RFTN1: variants seen among roughly 807,000 people sequenced by gnomAD.
The protein encoded by RFTN1 is raftlin, lipid raft linker 1, also known as raftlin.
In RFTN1, 26 loss-of-function variants were observed where a neutral mutation model predicts 46.5. That is an observed-to-expected ratio of 0.56 (90% CI 0.41 to 0.78). RFTN1 has a LOEUF of 0.78. RFTN1 is among the 30% of genes least tolerant of loss of function. The pLI is 0.00. For missense variants in RFTN1, 693 were observed against 718.7 expected (o/e 0.96, Z 0.41); for synonymous variants, 261 against 284.2 (o/e 0.92, Z 0.82).
In RFTN1 at chr3:16,396,498, A is replaced by G. The variant is rs371770013; in HGVS notation, c.441+12877T>C. 9.2e-5 allele frequency among the ~76,000 whole-genome samples: 14 copies of G among 152,324 alleles called. No homozygotes were observed. In the South Asian group the frequency reaches 1.5e-3, roughly 16 times the overall value. ...TTTTGCTAGGTGTTAGAAGATTGCTATATCTGTTATTAAAGACACTAGAAG... is the reference window on the plus strand; with the variant it reads ...TTTTGCTAGGTGTTAGAAGATTGCTGTATCTGTTATTAAAGACACTAGAAG... On this transcript the variant is annotated intron_variant, in intron 4 of 9. Transcript: ENST00000334133.
rs1410089595 is a variant in RFTN1 at position 16,383,670 on chromosome 3, AT to A, written c.442-5569del. Among the ~76,000 whole-genome samples the A allele has an allele frequency of 6.6e-6, 1 of 152,234 alleles. No individual in the cohort carries two copies. The highest frequency in any genetic ancestry group is 1.5e-5 in the Non-Finnish European group (1 of 68,044). On this transcript the variant is annotated intron_variant, in intron 4 of 9. Transcript: ENST00000334133. This position sits in a 1 kb window ranked among gnomAD's most constrained non-coding sequence, Gnocchi z 4.0. ...ACTCTATGTGCATGCGAATATACGT[AT>A]TTGTGATTTAGAGTATGTGTATCAA...
chr3:16,482,961 A>G lies in RFTN1; in HGVS notation c.145+10764T>C, dbSNP rs964827049. The G allele has an allele frequency of 1.9e-5, 14 of 734,266 alleles. No individual in the cohort carries two copies. The Admixed American group carries it at 2.9e-4, about 15-fold the overall frequency. 45.5% of individuals were successfully genotyped at this position (734,266 alleles called of 1,614,324 possible). Reference sequence around the variant, plus strand: ...CCTGGGGCCTCTTGCAGCAGTATCAAGGGCTGCTTAGAGCCTCCCTTCTAG... The same window carrying G: ...CCTGGGGCCTCTTGCAGCAGTATCAGGGGCTGCTTAGAGCCTCCCTTCTAG... On this transcript the variant is annotated intron_variant, in intron 2 of 9. Coordinates refer to ENST00000334133, the MANE Select transcript of RFTN1 (RefSeq NM_015150.2).
chr3:16,469,232 T>C (rs1311486826), intron 2 of RFTN1, among the ~76,000 whole-genome samples: 1 of 152,246 alleles, frequency 6.6e-6, no homozygotes, highest in Non-Finnish European at 1.5e-5. Context: ...AATCATAGTA[T>C]ATACTTCACT....
Position 16,475,850 on chromosome 3 carries a change from G to A in RFTN1, c.145+17875C>T, listed in dbSNP as rs1278245289. On this transcript the variant is annotated intron_variant, in intron 2 of 9. Transcript: ENST00000334133. This position sits in a 1 kb window ranked among gnomAD's most constrained non-coding sequence, Gnocchi z 4.2. ...TCCTCCTCTCATTCCACCAATCCCA[G>A]ATAAATATTCTATATCCTACAGACT... Among the ~76,000 whole-genome samples the A allele has an allele frequency of 3.9e-5, 6 of 152,160 alleles. No homozygotes were observed. The highest frequency in any genetic ancestry group is 8.8e-5 in the Non-Finnish European group (6 of 68,024).
intron 1 of RFTN1, among the ~76,000 whole-genome samples, chr3:16,505,187 G>T (rs1255053523): frequency 6.6e-6 from 1 of 152,174 alleles, no homozygotes; most frequent in Non-Finnish European, 1.5e-5. Flanking sequence ...AATCACATCT[G>T]CTGTGCAGCT....
rs2075953399 is a variant in RFTN1 at position 16,458,520 on chromosome 3, CT to C, written c.146-24484del. Among the ~76,000 whole-genome samples the C allele has an allele frequency of 6.6e-6, 1 of 152,172 alleles. No individual in the cohort carries two copies. Among genetic ancestry groups the C allele is most frequent in the South Asian group, 2.1e-4 (1 of 4,826 alleles). On this transcript the variant is annotated intron_variant, in intron 2 of 9. Transcript: ENST00000334133. This position sits in a 1 kb window ranked among gnomAD's most constrained non-coding sequence, Gnocchi z 5.1. Reference sequence around the variant, plus strand: ...AGAAGCCCATCTATCTATAGCTTTCCTTTTGCAGTAGCTTTTCAATAGTGGA... The same window carrying C: ...AGAAGCCCATCTATCTATAGCTTTCCTTTGCAGTAGCTTTTCAATAGTGGA...
intron 6 of RFTN1, among the ~76,000 whole-genome samples, chr3:16,366,249 T>C (rs75591772): frequency 0.022 from 3,337 of 151,656 alleles, 55 homozygotes; most frequent in South Asian, 0.08. Flanking sequence ...AAAATCAGCC[T>C]CCTCGCTGGG....
intron 4 of RFTN1, among the ~76,000 whole-genome samples, chr3:16,408,404 C>T (rs776455749): frequency 6.6e-6 from 1 of 152,056 alleles, no homozygotes; most frequent in Non-Finnish European, 1.5e-5. Flanking sequence ...TATTTATTAA[C>T]AAATTCCCTA....
rs920700696 is a variant in RFTN1, at chr3:16,483,094, T to C, written c.145+10631A>G. 1.3e-5 allele frequency among the ~76,000 whole-genome samples: 2 copies of C among 152,228 alleles called. No individual in the cohort carries two copies. The highest frequency in any genetic ancestry group is 4.8e-5 in the African/African-American group (2 of 41,452). ...TCAGTGACTGTATGCTCAGTTCTGC[T>C]GAAGAGCTGCAAATGTTATAGATGG... is the stretch of plus-strand genomic sequence containing the variant. On this transcript the variant is annotated intron_variant, in intron 2 of 9. Coordinates refer to ENST00000334133, the MANE Select transcript of RFTN1 (RefSeq NM_015150.2). This position sits in a 1 kb window ranked among gnomAD's most constrained non-coding sequence, Gnocchi z 4.8.
rs151210026 is a variant in RFTN1 at position 16,485,552 on chromosome 3, G to A, written c.145+8173C>T. On this transcript the variant is annotated intron_variant, in intron 2 of 9. Transcript: ENST00000334133. ...TTAAAGAAGCCAGAGGCACACACAC[G>A]GTATGATTCTATGTACATGTTATTC... 4.5e-4 allele frequency among the ~76,000 whole-genome samples: 68 copies of A among 152,302 alleles called. No individual in the cohort carries two copies. In the East Asian group the frequency reaches 0.01, roughly 23 times the overall value.
chr3:16,453,667 T>C lies in RFTN1; in HGVS notation c.146-19630A>G, dbSNP rs568993241. On this transcript the variant is annotated intron_variant, in intron 2 of 9. Coordinates refer to ENST00000334133, the MANE Select transcript of RFTN1 (RefSeq NM_015150.2). ...ATTGTAATTGGAAAAAAATAAAGCA[T>C]GAACGTATGTAACGTATTTACTGCT... Among the ~76,000 whole-genome samples, 247 of 152,326 alleles carry C rather than the reference T, an allele frequency of 1.6e-3. 2 individuals carry two copies. Among genetic ancestry groups the C allele is most frequent in the African/African-American group, 5.7e-3 (237 of 41,564 alleles).
At chr3:16,365,525 G>C (rs796864430) in intron 6 of RFTN1, among the ~76,000 whole-genome samples, 3 of 135,586 alleles carry the variant, frequency 2.2e-5, no homozygotes, top group Admixed American at 1.5e-4. Context: ...GGATATGCTA[G>C]GTGTCAAAAA....
rs2914818 is a variant in RFTN1, at chr3:16,468,407, A to G, written c.145+25318T>C. On this transcript the variant is annotated intron_variant, in intron 2 of 9. Coordinates refer to ENST00000334133, the MANE Select transcript of RFTN1 (RefSeq NM_015150.2). This position sits in a 1 kb window ranked among gnomAD's most constrained non-coding sequence, Gnocchi z 4.4. ...CCCCATGACTGTCAAAAATGTCCCC[A>G]CCCTGGGATCAGGCATCAGATCCTA... Among the ~76,000 whole-genome samples, 1 of 151,986 alleles carries G rather than the reference A, an allele frequency of 6.6e-6. No individual in the cohort carries two copies. The highest frequency in any genetic ancestry group is 2.4e-5 in the African/African-American group (1 of 41,374).
Position 16,341,173 on chromosome 3 carries a change from G to A in RFTN1, c.1147-14297C>T, listed in dbSNP as rs1455146555. Among the ~76,000 whole-genome samples, 2 of 152,244 alleles carry A rather than the reference G, an allele frequency of 1.3e-5. No homozygotes were observed. Among genetic ancestry groups the A allele is most frequent in the Non-Finnish European group, 2.9e-5 (2 of 68,044 alleles). On this transcript the variant is annotated intron_variant, in intron 7 of 9. Coordinates refer to ENST00000334133, the MANE Select transcript of RFTN1 (RefSeq NM_015150.2). This position sits in a 1 kb window ranked among gnomAD's most constrained non-coding sequence, Gnocchi z 4.7. ...GACAATACTTAATGCCGGTGAGGAT[G>A]TGGAACAACAGCAACTCTCGTTCAC...
chr3:16,469,610 G>A (rs1336530553), intron 2 of RFTN1, among the ~76,000 whole-genome samples: 1 of 152,242 alleles, frequency 6.6e-6, no homozygotes, highest in Non-Finnish European at 1.5e-5. Flanking sequence ...AGCATGGTAG[G>A]GCGTGCTCCA....
At chr3:16,439,813 G>A (rs1034165861) in intron 2 of RFTN1, among the ~76,000 whole-genome samples, 9 of 152,186 alleles carry the variant, frequency 5.9e-5, no homozygotes, top group African/African-American at 2.2e-4. Context: ...TCCTCTGGGG[G>A]AGTGTGGGGA....
At chr3:16,347,108 C>G (rs2071774239) in intron 7 of RFTN1, among the ~76,000 whole-genome samples, 1 of 152,222 alleles carries the variant, frequency 6.6e-6, no homozygotes, top group Non-Finnish European at 1.5e-5. Context: ...GGCCCTTTCT[C>G]CAGGGCCAAT....
At chr3:16,398,108 G>A (rs1176383565) in intron 4 of RFTN1, among the ~76,000 whole-genome samples, 15 of 151,914 alleles carry the variant, frequency 9.9e-5, no homozygotes, top group Admixed American at 4.6e-4. Context: ...TCAGCTGGGC[G>A]TGGTGGCGGG....
At chr3:16,358,175 A>G (rs1375758075) in intron 6 of RFTN1, 128 bp from the exon 7 acceptor site, 2 of 636,722 alleles carry the variant, frequency 3.1e-6, no homozygotes, top group Non-Finnish European at 5.6e-6. Context: ...TCAGCATGTT[A>G]ATTAAAGAAG....
Sources: gnomAD v4.1 joint callset for allele counts (sites outside exome capture counted in the v4.1 genomes callset) on GRCh38, gnomAD v4.1.1 for gene constraint, Gnocchi (gnomAD v3.1) non-coding constraint, MANE v1.5 for transcripts, NCBI Gene and HGNC (gene_info 2026-07-23, HGNC 2026-07-21) for gene names.